Variants in CFAP299 observed in about 807,000 individuals in gnomAD.
The protein encoded by CFAP299 is cilia- and flagella-associated protein 299.
A neutral mutation model predicts 27.0 loss-of-function variants in CFAP299; 21 were observed. The ratio of observed to expected loss-of-function variants is 0.78; its 90% CI spans 0.55 to 1.12. CFAP299 has a LOEUF of 1.12. Ranked by LOEUF, CFAP299 falls within the 50% of genes most tolerant of loss-of-function variation. The pLI is 0.00. For synonymous variants in CFAP299, 104 were observed against 98.1 expected (o/e 1.06, Z -0.36); for missense variants, 310 against 276.6 (o/e 1.12, Z -0.86).
chr4:80,839,729 T>G (rs879766529), intron 3 of CFAP299, among the ~76,000 whole-genome samples: 1 of 151,638 alleles, frequency 6.6e-6, no homozygotes, highest in Non-Finnish European at 1.5e-5. Context: ...GGGACAAACT[T>G]CTTTGAAAAA....
chr4:80,824,616 T>C (rs533624127), intron 3 of CFAP299, among the ~76,000 whole-genome samples: 46 of 152,232 alleles, frequency 3.0e-4, no homozygotes, highest in African/African-American at 1.1e-3. Flanking sequence ...GACCAGGATA[T>C]GTATGAGAGA....
At chr4:80,911,216 G>GT (rs758866957) in intron 4 of CFAP299, among the ~76,000 whole-genome samples, 1,386 of 124,756 alleles carry the variant, frequency 0.011, 16 homozygotes, top group African/African-American at 0.029. Flanking sequence ...TTGCTTGGTT[G>GT]TTTTTTTTTT....
chr4:80,641,119 C>T (rs1739700988), intron 3 of CFAP299, among the ~76,000 whole-genome samples: 1 of 152,088 alleles, frequency 6.6e-6, no homozygotes, highest in Non-Finnish European at 1.5e-5. Flanking sequence ...TATGTATATG[C>T]AGATACAACA....
At chr4:80,858,274 T>G (rs976248762) in intron 3 of CFAP299, among the ~76,000 whole-genome samples, 8 of 151,944 alleles carry the variant, frequency 5.3e-5, no homozygotes, top group African/African-American at 1.9e-4. Flanking sequence ...CATTTTTTAT[T>G]GTGTCTATTT....
At chr4:80,368,409 A>T (rs912074886) in intron 2 of CFAP299, among the ~76,000 whole-genome samples, 1 of 152,182 alleles carries the variant, frequency 6.6e-6, no homozygotes. Context: ...TATGCTATTC[A>T]ATCTAGTTAA....
At chr4:80,951,581 C>G (rs1264825159) in intron 5 of CFAP299, among the ~76,000 whole-genome samples, 3 of 152,194 alleles carry the variant, frequency 2.0e-5, no homozygotes, top group African/African-American at 7.2e-5. Context: ...TCCTCTTCCT[C>G]TCTCTTTCTC....
At chr4:80,858,507 T>A (rs145372008) in intron 3 of CFAP299, among the ~76,000 whole-genome samples, 6,797 of 152,256 alleles carry the variant, frequency 0.045, 232 homozygotes, top group East Asian at 0.13. Flanking sequence ...TGTTGGGGTG[T>A]CAATTTTGGA....
chr4:80,387,850 G>C, intron 2 of CFAP299: 1 of 1,333,398 alleles, frequency 7.5e-7, no homozygotes, highest in Non-Finnish European at 1.1e-6. Flanking sequence ...GGTACCTTTA[G>C]CCCGTGGGGT....
intron 3 of CFAP299, among the ~76,000 whole-genome samples, chr4:80,688,635 C>G (rs955670175): frequency 4.9e-4 from 74 of 152,170 alleles, no homozygotes; most frequent in African/African-American, 1.6e-3. Context: ...AAGCACAGCA[C>G]CTATCCTCCT....
At chr4:80,838,993 T>G (rs1730719241) in intron 3 of CFAP299, among the ~76,000 whole-genome samples, 1 of 152,160 alleles carries the variant, frequency 6.6e-6, no homozygotes, top group Non-Finnish European at 1.5e-5. Flanking sequence ...CAGTGATACA[T>G]TTCTTCTCCC....
At chr4:80,653,558 C>T (rs72863202) in intron 3 of CFAP299, among the ~76,000 whole-genome samples, 11,495 of 151,930 alleles carry the variant, frequency 0.076, 648 homozygotes, top group East Asian at 0.23. Context: ...TATCAGTGGT[C>T]CCCAAACACA....
At chr4:80,608,431 T>G (rs1411638141) in intron 3 of CFAP299, 3 of 1,280,460 alleles carry the variant, frequency 2.3e-6, no homozygotes, top group East Asian at 2.5e-5. Context: ...AGAAAAACAT[T>G]TTGGCTTCAT....
At position 80,728,659 on chromosome 4, in the gene CFAP299, C is replaced by T. The variant is rs181805440; in HGVS notation, c.334-141334C>T. On this transcript the variant is annotated intron_variant, in intron 3 of 5. Coordinates refer to ENST00000358105, the MANE Select transcript of CFAP299 (RefSeq NM_152770.3). ...CAATCACCATATCCCATGCATTTTG[C>T]TTTTAAAAAATCTTTGAGTTATATT... 3.7e-3 allele frequency among the ~76,000 whole-genome samples: 568 copies of T among 152,264 alleles called. 1 individual carries two copies. Among genetic ancestry groups the T allele is most frequent in the African/African-American group, 0.013 (529 of 41,556 alleles).
chr4:80,725,820 T>C (rs759882753), intron 3 of CFAP299, among the ~76,000 whole-genome samples: 3 of 152,202 alleles, frequency 2.0e-5, no homozygotes, highest in Non-Finnish European at 2.9e-5. Flanking sequence ...TTCCAGAGAC[T>C]GTGCTTCAAC....
At chr4:80,461,117 T>C (rs1223433880) in intron 2 of CFAP299, among the ~76,000 whole-genome samples, 1 of 152,162 alleles carries the variant, frequency 6.6e-6, no homozygotes, top group East Asian at 1.9e-4. Flanking sequence ...CAGAAAGGAA[T>C]GTCTAGGTTA....
intron 3 of CFAP299, among the ~76,000 whole-genome samples, chr4:80,783,010 T>G (rs920596215): frequency 3.3e-5 from 5 of 152,016 alleles, no homozygotes; most frequent in Non-Finnish European, 5.9e-5. Context: ...TATCTATTGC[T>G]GCATAAAAAA....
rs1737328578 is a variant in CFAP299 at position 80,943,856 on chromosome 4, C to T, written c.477-954C>T. Among the ~76,000 whole-genome samples, 4 of 152,082 alleles carry T rather than the reference C, an allele frequency of 2.6e-5. No individual in the cohort carries two copies. In the East Asian group the frequency reaches 7.8e-4, roughly 29 times the overall value. ...GGCCAAGGTGGGCAGATCACGAGGT[C>T]AAAAGATCGAGACCATCCTGGCCAA... On this transcript the variant is annotated intron_variant, in intron 4 of 5. Transcript: ENST00000358105.
intron 4 of CFAP299, among the ~76,000 whole-genome samples, chr4:80,917,109 A>G (rs1460629566): frequency 1.3e-5 from 2 of 152,176 alleles, no homozygotes; most frequent in African/African-American, 4.8e-5. Flanking sequence ...GATTGCTCCA[A>G]AATTTCTAAC....
At chr4:80,809,760 G>A (rs1729047730) in intron 3 of CFAP299, among the ~76,000 whole-genome samples, 1 of 151,992 alleles carries the variant, frequency 6.6e-6, no homozygotes, top group South Asian at 2.1e-4. Context: ...TCCTTACCTG[G>A]CTGTCCCGAA....
Sources: gnomAD v4.1 joint callset for allele counts (sites outside exome capture counted in the v4.1 genomes callset) on GRCh38, gnomAD v4.1.1 for gene constraint, MANE v1.5 for transcripts, NCBI Gene and HGNC (gene_info 2026-07-23, HGNC 2026-07-21) for gene names.